PCDHA8: variants seen among roughly 807,000 people sequenced by gnomAD.
The protein encoded by PCDHA8 is protocadherin alpha 8.
A neutral mutation model predicts 61.8 loss-of-function variants in PCDHA8; 53 were observed. The observed-to-expected ratio is 0.86, with a 90% CI of 0.69 to 1.08. The LOEUF (loss-of-function observed/expected upper bound fraction) is 1.08. Among genes scored for constraint, PCDHA8 ranks in the 50% least tolerant of loss-of-function variants. The probability of loss-of-function intolerance (pLI) is 0.00; values close to 1 mark genes in which losing one functional copy is unlikely to be tolerated. For missense variants in PCDHA8, 1,293 were observed against 1,245.0 expected (o/e 1.04, Z -0.58); for synonymous variants, 618 against 556.6 (o/e 1.11, Z -1.55).
intron 1 of PCDHA8, among the ~76,000 whole-genome samples, chr5:140,964,472 T>C (rs1160731930): frequency 6.6e-6 from 1 of 152,074 alleles, no homozygotes; most frequent in Non-Finnish European, 1.5e-5. Context: ...GTGCCTATGA[T>C]TTTTTCACAG....
At chr5:140,952,961 A>G (rs531904047) in intron 1 of PCDHA8, among the ~76,000 whole-genome samples, 1 of 152,158 alleles carries the variant, frequency 6.6e-6, no homozygotes, top group East Asian at 1.9e-4. Context: ...GGGAAGTGAT[A>G]CACACTTTTA....
In PCDHA8 at chr5:140,884,064, C is replaced by A. The variant is rs150717183; in HGVS notation, c.2394+40349C>A. On this transcript the variant is annotated intron_variant, in intron 1 of 3. Transcript: ENST00000531613. ...GTGGCGAAGGTGCGCGCGGTGGACGCCGATTCGGGCTACAATGCGTGGCTT... is the reference window on the plus strand; with the variant it reads ...GTGGCGAAGGTGCGCGCGGTGGACGACGATTCGGGCTACAATGCGTGGCTT... 2.3e-3 allele frequency: 3,707 copies of A among 1,613,502 alleles called. 15 individuals carry two copies. Among genetic ancestry groups the A allele is most frequent in the Middle Eastern group, 9.0e-3 (54 of 5,970 alleles).
chr5:140,875,254 T>C, intron 1 of PCDHA8: 1 of 1,054,680 alleles, frequency 9.5e-7, no homozygotes, highest in Non-Finnish European at 1.3e-6. Flanking sequence ...ATCAGTCACA[T>C]GATGTCGCTC....
intron 1 of PCDHA8, among the ~76,000 whole-genome samples, chr5:140,933,209 G>GTC (rs140472192): frequency 0.32 from 48,939 of 151,636 alleles, 8,153 homozygotes; most frequent in East Asian, 0.53. Flanking sequence ...TAAATTACAT[G>GTC]TCTGTTATAT....
At position 140,855,852 on chromosome 5, in the gene PCDHA8, G is replaced by A. The variant is rs1233260488; in HGVS notation, c.2394+12137G>A. 21 of 674,672 alleles carry A rather than the reference G, an allele frequency of 3.1e-5. 2 individuals carry two copies. The highest frequency in any genetic ancestry group is 4.6e-5 in the Non-Finnish European group (19 of 409,080). 41.8% of individuals were successfully genotyped at this position (674,672 alleles called of 1,614,324 possible). On this transcript the variant is annotated intron_variant, in intron 1 of 3. Coordinates refer to ENST00000531613, the MANE Select transcript of PCDHA8 (RefSeq NM_018911.3). The stretch of plus-strand genomic sequence containing the variant: ...ATCGTACTTACACCTAAAGCCACCG[G>A]ATGTCGCTGTCGTCCACAAAATAGC...
At position 140,869,188 on chromosome 5, in the gene PCDHA8, G is replaced by T. The variant is rs200563745; in HGVS notation, c.2394+25473G>T. 364 of 1,613,946 alleles carry T rather than the reference G, an allele frequency of 2.3e-4. 4 individuals carry two copies. In the Admixed American group the frequency reaches 5.9e-3, roughly 26 times the overall value. On this transcript the variant is annotated intron_variant, in intron 1 of 3. Coordinates refer to ENST00000531613, the MANE Select transcript of PCDHA8 (RefSeq NM_018911.3). ...CCTCGAATTCTGGGAGGTGGGGAGC[G>T]GCCAGCTCCACTACTCCGTCTCGGA...
chr5:140,966,234 C>T (rs77272068), intron 1 of PCDHA8: 2,919 of 290,608 alleles, frequency 0.01, 77 homozygotes, highest in African/African-American at 0.056. Context: ...CTTAAAGACC[C>T]GTTAAGCAGG....
intron 1 of PCDHA8, chr5:140,883,583 G>T (rs782212784): frequency 2.5e-6 from 4 of 1,613,916 alleles, no homozygotes; most frequent in Non-Finnish European, 3.4e-6. Context: ...GTGGGCCACG[G>T]CCAGCGTGTC....
intron 1 of PCDHA8, among the ~76,000 whole-genome samples, chr5:140,934,702 C>T (rs538683438): frequency 1.3e-5 from 2 of 152,158 alleles, no homozygotes; most frequent in South Asian, 4.2e-4. Context: ...GATTCCTGGC[C>T]ATCTTACAAA....
At chr5:140,928,143 C>T (rs983552748) in intron 1 of PCDHA8, 2 of 1,614,228 alleles carry the variant, frequency 1.2e-6, no homozygotes, top group Middle Eastern at 1.6e-4. Context: ...TGATCACGGC[C>T]TCAGATAGTG....
chr5:140,857,278 C>A lies in PCDHA8; in HGVS notation c.2394+13563C>A, dbSNP rs541123870. On this transcript the variant is annotated intron_variant, in intron 1 of 3. Transcript: ENST00000531613. ...ATTACTACTCATTGGTGCTGGACAGCGCTCTGGACCGCGAGAGGGTGTCGG... is the reference window on the plus strand; with the variant it reads ...ATTACTACTCATTGGTGCTGGACAGAGCTCTGGACCGCGAGAGGGTGTCGG... The A allele has an allele frequency of 1.8e-5, 29 of 1,598,570 alleles. 3 individuals are homozygous for A. The highest frequency in any genetic ancestry group is 1.7e-4 in the Middle Eastern group (1 of 5,938).
chr5:140,881,257 C>A, intron 1 of PCDHA8: 1 of 512,564 alleles, frequency 2.0e-6, no homozygotes, highest in Non-Finnish European at 2.5e-6. Context: ...CAAGGTTTTA[C>A]TCAGTGATGA....
chr5:140,841,952 T>C lies in PCDHA8; in HGVS notation c.631T>C (p.Phe211Leu), dbSNP rs1323540473. ...AGAGGACGCTCCTGCGCACCACTTA[T>C]TCCTGACAGCCACAGATGGGGGCAA... is the stretch of plus-strand genomic sequence containing the variant. ...DREDAPAHHL[F>L]LTATDGGKPE... Residue 211 changes from phenylalanine to leucine, a missense_variant, in exon 1 of 4, where the codon TTC (phenylalanine) becomes CTC (leucine). Phe to Leu is a conservative substitution (Grantham distance 22, BLOSUM62 0). Coordinates refer to ENST00000531613, the MANE Select transcript of PCDHA8 (RefSeq NM_018911.3). 6.2e-7 allele frequency: 1 copy of C among 1,613,914 alleles called. No homozygotes were observed. Among genetic ancestry groups the C allele is most frequent in the African/African-American group, 1.3e-5 (1 of 74,988 alleles).
At chr5:140,968,776 A>C in intron 1 of PCDHA8, 1 of 1,614,200 alleles carries the variant, frequency 6.2e-7, no homozygotes, top group Non-Finnish European at 8.5e-7. Flanking sequence ...AGCCATCACT[A>C]TCAGCCTCTG....
At chr5:140,901,311 C>T (rs1242541248) in intron 1 of PCDHA8, among the ~76,000 whole-genome samples, 3 of 152,052 alleles carry the variant, frequency 2.0e-5, no homozygotes, top group Non-Finnish European at 4.4e-5. Context: ...GGAGAGTTTC[C>T]CCAATGTTTT....
chr5:140,927,910 C>A lies in PCDHA8; in HGVS notation c.2395-51039C>A, dbSNP rs782484227. 2.5e-6 allele frequency: 4 copies of A among 1,614,216 alleles called. No homozygotes were observed. In the South Asian group the frequency reaches 3.3e-5, roughly 13 times the overall value. On this transcript the variant is annotated intron_variant, in intron 1 of 3. Transcript: ENST00000531613. ...TGACGTGAACGATCATGCCCCCGAACTGGACTTCCTGACTCTTTCGAACCC... is the reference window on the plus strand; with the variant it reads ...TGACGTGAACGATCATGCCCCCGAAATGGACTTCCTGACTCTTTCGAACCC...
At chr5:140,981,683 T>A (rs1484532280) in intron 2 of PCDHA8, among the ~76,000 whole-genome samples, 5 of 152,034 alleles carry the variant, frequency 3.3e-5, no homozygotes, top group Non-Finnish European at 5.9e-5. Flanking sequence ...CCTTCCTCCC[T>A]TCCATCATTC....
chr5:140,841,559 C>A lies in PCDHA8; in HGVS notation c.238C>A (p.Gln80Lys). 1 of 1,613,852 alleles carries A rather than the reference C, an allele frequency of 6.2e-7. No individual in the cohort carries two copies. Among genetic ancestry groups the A allele is most frequent in the Non-Finnish European group, 8.5e-7 (1 of 1,179,996 alleles). ...CCGGGACCTTCTGGAGGTAAGTCTG[C>A]AGAATGGCATTTTGTTTGTGAATTC... The part of the protein sequence containing the change: ...RHRDLLEVSL[Q>K]NGILFVNSRI... Residue 80 changes from glutamine (Q) to lysine (K), a missense_variant, in exon 1 of 4, where the codon CAG becomes AAG. Gln to Lys is a moderately conservative substitution (Grantham distance 53). Coordinates refer to ENST00000531613, the MANE Select transcript of PCDHA8 (RefSeq NM_018911.3).
chr5:140,990,838 A>C (rs2097419271), intron 3 of PCDHA8, among the ~76,000 whole-genome samples: 1 of 152,222 alleles, frequency 6.6e-6, no homozygotes, highest in Admixed American at 6.5e-5. Flanking sequence ...CCTATTAGCA[A>C]AAATAGAGCC....
Sources: gnomAD v4.1 joint callset for allele counts (sites outside exome capture counted in the v4.1 genomes callset) on GRCh38, gnomAD v4.1.1 for gene constraint, MANE v1.5 for transcripts, NCBI Gene and HGNC (gene_info 2026-07-23, HGNC 2026-07-21) for gene names.